The following SPART variants were observed in gnomAD, a reference collection of about 807,000 sequenced individuals.
SPART encodes the protein spastic paraplegia 20 (Troyer syndrome).
A neutral mutation model predicts 58.7 loss-of-function variants in SPART; 35 were observed. The ratio of observed to expected loss-of-function variants is 0.60; its 90% CI spans 0.46 to 0.79. The LOEUF (loss-of-function observed/expected upper bound fraction) is 0.79, where lower values mean the gene tolerates loss of function less well. SPART is among the 30% of genes least tolerant of loss of function. The pLI is 0.00. For missense variants in SPART, 730 were observed against 786.1 expected, an observed-to-expected ratio of 0.93 and a Z score of 0.85; for synonymous variants, 284 against 280.7, an observed-to-expected ratio of 1.01 and a Z score of -0.12.
At chr13:36,314,087 G>T in intron 6 of SPART, 140 bp downstream of exon 6, 1 of 851,872 alleles carries the variant, frequency 1.2e-6, no homozygotes, top group Non-Finnish European at 1.8e-6. Flanking sequence ...GTCTCACTAT[G>T]AATAACAAAG....
intron 4 of SPART, 48 bp from the exon 5 acceptor site, chr13:36,326,746 G>C (rs1442319369): frequency 6.2e-7 from 1 of 1,600,408 alleles, no homozygotes; most frequent in East Asian, 2.2e-5. Context: ...TACTAAGAGG[G>C]GGAAAACTGT....
chr13:36,308,569 C>T (rs879791647), intron 8 of SPART: 3 of 151,468 alleles, frequency 2.0e-5, no homozygotes, highest in Non-Finnish European at 4.4e-5. Flanking sequence ...ACAAAATCTA[C>T]ATTAAAATCC....
chr13:36,335,338 T>G lies in SPART; in HGVS notation c.493A>C (p.Ser165Arg). Residue 165 changes from serine (S) to arginine (R), a missense_variant, in exon 2 of 9, where the codon AGT (serine) becomes CGT (arginine). Ser to Arg is a moderately radical substitution (Grantham distance 110). Coordinates refer to ENST00000438666, the MANE Select transcript of SPART (RefSeq NM_015087.5). Reference sequence around the variant, plus strand: ...GCAGGAGGAGCTTCTGCTGGACAACTTTGTGATGGTAAAGACAGAGAAGCA... The same window carrying G: ...GCAGGAGGAGCTTCTGCTGGACAACGTTGTGATGGTAAAGACAGAGAAGCA... ...APASLSLPSQ[S>R]CPAEAPPAYT... The G allele has an allele frequency of 6.2e-7, 1 of 1,614,040 alleles. No individual in the cohort carries two copies. Among genetic ancestry groups the G allele is most frequent in the Non-Finnish European group, 8.5e-7 (1 of 1,179,986 alleles).
At chr13:36,331,880 T>C (rs1209179892) in intron 2 of SPART, among the ~76,000 whole-genome samples, 1 of 152,202 alleles carries the variant, frequency 6.6e-6, no homozygotes, top group Non-Finnish European at 1.5e-5. Context: ...TAACCAATAA[T>C]GACTCCAGCT....
intron 1 of SPART, among the ~76,000 whole-genome samples, chr13:36,337,901 C>T (rs972831819): frequency 1.3e-5 from 2 of 152,128 alleles, no homozygotes; most frequent in Admixed American, 1.3e-4. Flanking sequence ...AAATCATATG[C>T]TGAGGTTGCT....
At chr13:36,317,756 C>G (rs1881890876) in intron 5 of SPART, among the ~76,000 whole-genome samples, 1 of 152,034 alleles carries the variant, frequency 6.6e-6, no homozygotes, top group African/African-American at 2.4e-5. Context: ...TTCTCAAAAA[C>G]TTAAAACCTC....
At chr13:36,313,881 T>C (rs554012563) in intron 6 of SPART, 2 of 295,664 alleles carry the variant, frequency 6.8e-6, no homozygotes, top group East Asian at 8.6e-5. Flanking sequence ...AGAACTCTTT[T>C]TCAAAGATAC....
upstream of SPART, among the ~76,000 whole-genome samples, chr13:36,348,497 A>C (rs1052118654): frequency 6.6e-6 from 1 of 152,238 alleles, no homozygotes; most frequent in Non-Finnish European, 1.5e-5. Flanking sequence ...AGAACTAATA[A>C]ATGAGTACAT....
Position 36,304,419 on chromosome 13 carries a change from C to G in SPART, c.1947G>C (p.Gly649=), listed in dbSNP as rs752758737. 1.2e-6 allele frequency: 2 copies of G among 1,614,094 alleles called. No individual in the cohort carries two copies. Among genetic ancestry groups the G allele is most frequent in the Admixed American group, 1.7e-5 (1 of 60,012 alleles). Reference sequence around the variant, plus strand: ...CTTCCTTCGTCTGCTCATCCTTCTCCCCTCTCACGTTGACATTTGCTGCTC... The same window carrying G: ...CTTCCTTCGTCTGCTCATCCTTCTCGCCTCTCACGTTGACATTTGCTGCTC... ...QEGAANVNVR[G]EKDEQTKEVK... is the part of the protein sequence containing the mutation. Residue 649 remains glycine, a synonymous_variant, in exon 9 of 9, where the codon GGG becomes GGC. Transcript: ENST00000438666.
intron 1 of SPART, among the ~76,000 whole-genome samples, chr13:36,342,610 C>T (rs906020451): frequency 2.6e-5 from 4 of 152,038 alleles, no homozygotes; most frequent in African/African-American, 7.3e-5. Context: ...ATAGCAGCAC[C>T]ACCCCTCATC....
intron 2 of SPART, 108 bp from the exon 3 acceptor site, chr13:36,331,704 T>C (rs1883481954): frequency 6.1e-6 from 5 of 821,482 alleles, no homozygotes; most frequent in Non-Finnish European, 9.5e-6. Context: ...CACTTCAAAG[T>C]TGGAAACATA....
At chr13:36,368,308 T>C in intron 1 of SPART, 1 of 338,792 alleles carries the variant, frequency 3.0e-6, no homozygotes, top group Non-Finnish European at 6.3e-6. Context: ...CAAACAAATC[T>C]GGAAGGCTTT....
intron 1 of SPART, among the ~76,000 whole-genome samples, chr13:36,362,970 G>C (rs777721677): frequency 6.6e-6 from 1 of 151,972 alleles, no homozygotes; most frequent in Non-Finnish European, 1.5e-5. Flanking sequence ...CTGCTAAATC[G>C]GGGCTTCCCA....
At chr13:36,312,262 T>C (rs1274942867) in intron 7 of SPART, 27 bp from the exon 8 acceptor site, 2 of 1,613,906 alleles carry the variant, frequency 1.2e-6, no homozygotes, top group South Asian at 2.2e-5. Context: ...TAAAACGATG[T>C]AAATCTAGTC....
At chr13:36,330,712 AATACTC>A (rs1263259699) in intron 3 of SPART, among the ~76,000 whole-genome samples, 1 of 152,216 alleles carries the variant, frequency 6.6e-6, no homozygotes, top group African/African-American at 2.4e-5. Flanking sequence ...GTTAAACAGA[AATACTC>A]TATTTCTACA....
intron 8 of SPART, chr13:36,308,273 A>T (rs924610964): frequency 1.3e-5 from 2 of 152,298 alleles, no homozygotes; most frequent in African/African-American, 4.8e-5. Flanking sequence ...CAAAGGTGAG[A>T]AACAGTATTA....
rs1246257692 is a variant in SPART at position 36,304,150 on chromosome 13, G to A, written c.*215C>T. ...GCTACACTTGGAAAAAAATAAACTTGAGAATATAACTTCACATTTCTAAGG... is the reference window on the plus strand; with the variant it reads ...GCTACACTTGGAAAAAAATAAACTTAAGAATATAACTTCACATTTCTAAGG... On this transcript the variant is annotated 3_prime_UTR_variant, in exon 9 of 9. Coordinates refer to ENST00000438666, the MANE Select transcript of SPART (RefSeq NM_015087.5). 15 of 609,814 alleles carry A rather than the reference G, an allele frequency of 2.5e-5. No homozygotes were observed. Among genetic ancestry groups the A allele is most frequent in the Non-Finnish European group, 3.7e-5 (13 of 353,690 alleles). The allele number at this position is 609,814 out of a possible 1,614,324, so 37.8% of individuals were successfully genotyped here.
At chr13:36,348,113 C>T (rs892234648), upstream of SPART, among the ~76,000 whole-genome samples, 1 of 152,056 alleles carries the variant, frequency 6.6e-6, no homozygotes, top group Non-Finnish European at 1.5e-5. Context: ...TGACGAAACC[C>T]GTCCCTACAA....
intron 5 of SPART, among the ~76,000 whole-genome samples, chr13:36,323,167 A>G (rs1296493329): frequency 6.6e-6 from 1 of 152,206 alleles, no homozygotes; most frequent in Non-Finnish European, 1.5e-5. Flanking sequence ...CTGTTTGCCT[A>G]GCATTCCAGA....
Sources: gnomAD v4.1 joint callset for allele counts (sites outside exome capture counted in the v4.1 genomes callset) on GRCh38, gnomAD v4.1.1 for gene constraint, MANE v1.5 for transcripts, NCBI Gene and HGNC (gene_info 2026-07-23, HGNC 2026-07-21) for gene names.